The following CCDC178 variants were observed in gnomAD, a reference collection of about 807,000 sequenced individuals.
CCDC178 encodes the protein coiled-coil domain-containing protein 178.
Under a neutral mutation model 117.4 loss-of-function variants are expected in CCDC178, and 126 were observed. The observed-to-expected ratio is 1.07, with a 90% confidence interval of 0.93 to 1.24. The LOEUF is 1.24. Ranked by LOEUF, CCDC178 falls within the 50% of genes most tolerant of loss-of-function variation. The probability of loss-of-function intolerance (pLI) is 0.00; values close to 1 mark genes in which losing one functional copy is unlikely to be tolerated. For synonymous variants in CCDC178, 283 were observed against 313.4 expected, an observed-to-expected ratio of 0.90 and a Z score of 1.02; for missense variants, 1,030 against 986.9, an observed-to-expected ratio of 1.04 and a Z score of -0.59.
At chr18:33,034,205 A>G (rs2056400033) in intron 21 of CCDC178, among the ~76,000 whole-genome samples, 1 of 151,804 alleles carries the variant, frequency 6.6e-6, no homozygotes, top group Non-Finnish European at 1.5e-5. Context: ...TTCCCATAGC[A>G]TCCTTACAGA....
At chr18:33,202,008 G>T (rs749123475) in intron 20 of CCDC178, among the ~76,000 whole-genome samples, 1 of 152,102 alleles carries the variant, frequency 6.6e-6, no homozygotes, top group Non-Finnish European at 1.5e-5. Flanking sequence ...TATCAACGCA[G>T]TGGCTGACTC....
intron 5 of CCDC178, among the ~76,000 whole-genome samples, chr18:33,373,866 T>C (rs1304745419): frequency 1.3e-5 from 2 of 152,206 alleles, no homozygotes; most frequent in Non-Finnish European, 2.9e-5. Flanking sequence ...AAGCAGTATA[T>C]CAACTACCAT....
At chr18:33,284,040 TG>T (rs1342829533) in intron 12 of CCDC178, among the ~76,000 whole-genome samples, 1 of 152,182 alleles carries the variant, frequency 6.6e-6, no homozygotes, top group African/African-American at 2.4e-5. Flanking sequence ...GCAAAGAAAA[TG>T]TGGTACATAT....
chr18:33,356,278 G>T (rs2144713652), intron 7 of CCDC178, 46 bp downstream of exon 7: 2 of 1,434,914 alleles, frequency 1.4e-6, no homozygotes, highest in Admixed American at 2.6e-5. Flanking sequence ...ATTGAAATTT[G>T]GACATTAAAA....
At chr18:33,309,997 TCTCA>T (rs2062316132) in intron 11 of CCDC178, among the ~76,000 whole-genome samples, 1 of 150,302 alleles carries the variant, frequency 6.7e-6, no homozygotes, top group Non-Finnish European at 1.5e-5. Context: ...TGAGATGGAG[TCTCA>T]CTCTGTCACC....
chr18:33,236,924 T>C (rs901049464), intron 15 of CCDC178, among the ~76,000 whole-genome samples: 2 of 152,134 alleles, frequency 1.3e-5, no homozygotes, highest in African/African-American at 4.8e-5. Flanking sequence ...TGTAAATACC[T>C]ACAGTATTTA....
At chr18:33,248,658 G>A (rs2059579214) in intron 14 of CCDC178, among the ~76,000 whole-genome samples, 1 of 151,920 alleles carries the variant, frequency 6.6e-6, no homozygotes, top group African/African-American at 2.4e-5. Context: ...TCTTAATTCA[G>A]TCCATCATTG....
chr18:33,040,748 C>A (rs760161486), intron 21 of CCDC178, among the ~76,000 whole-genome samples: 1 of 151,884 alleles, frequency 6.6e-6, no homozygotes, highest in Non-Finnish European at 1.5e-5. Flanking sequence ...AGTTATCCAG[C>A]CAAATTGTTC....
intron 20 of CCDC178, among the ~76,000 whole-genome samples, chr18:33,185,024 C>CT (rs921790832): frequency 1.8e-4 from 27 of 151,120 alleles, no homozygotes; most frequent in East Asian, 1.9e-4. Context: ...CTGTACACAG[C>CT]TTTTTTTTTC....
At chr18:32,945,134 T>C (rs942838771) in intron 22 of CCDC178, among the ~76,000 whole-genome samples, 2 of 152,210 alleles carry the variant, frequency 1.3e-5, no homozygotes, top group African/African-American at 4.8e-5. Flanking sequence ...GTCAATGCTG[T>C]ATATGCTTGG....
intron 19 of CCDC178, among the ~76,000 whole-genome samples, chr18:33,213,066 A>C (rs1467170551): frequency 6.6e-6 from 1 of 152,022 alleles, no homozygotes; most frequent in African/African-American, 2.4e-5. Context: ...GCTTTTAAAT[A>C]ATATCCCATT....
At position 33,344,229 on chromosome 18, in the gene CCDC178, G is replaced by A. The variant is rs1314988704; in HGVS notation, c.658+1982C>T. The stretch of plus-strand genomic sequence containing the variant: ...TGAGGCAGGAGAATGGCGTGAACCC[G>A]GGAAGCGGAGCTTGCAGTGAGCCGA... On this transcript the variant is annotated intron_variant, in intron 9 of 22. Transcript: ENST00000383096. 4.1e-5 allele frequency among the ~76,000 whole-genome samples: 6 copies of A among 148,086 alleles called. No individual in the cohort carries two copies. In the South Asian group the frequency reaches 6.4e-4, roughly 16 times the overall value.
chr18:32,996,205 A>G (rs2055504447), intron 21 of CCDC178, among the ~76,000 whole-genome samples: 1 of 151,996 alleles, frequency 6.6e-6, no homozygotes, highest in Admixed American at 6.6e-5. Context: ...AGCATTAAAA[A>G]CAACAGCAAG....
chr18:33,328,083 A>ATTTTTTTTTTTTTTTTTTTT, intron 10 of CCDC178: 1 of 96,974 alleles, frequency 1.0e-5, no homozygotes, highest in East Asian at 9.2e-4. Flanking sequence ...TTATCCCTAG[A>ATTTTTTTTTTTTTTTTTTTT]TTTTTTTTTT....
intron 3 of CCDC178, among the ~76,000 whole-genome samples, chr18:33,404,314 A>G (rs2063752221): frequency 1.3e-5 from 2 of 152,066 alleles, no homozygotes; most frequent in Admixed American, 1.3e-4. Context: ...AGTATATGAG[A>G]GCTCTGTATT....
At chr18:33,027,792 C>T (rs902867246) in intron 21 of CCDC178, among the ~76,000 whole-genome samples, 1 of 151,466 alleles carries the variant, frequency 6.6e-6, no homozygotes, top group Non-Finnish European at 1.5e-5. Context: ...AGATTTTGTT[C>T]TCTGATCTCA....
At chr18:33,343,420 G>A (rs1883784672) in intron 9 of CCDC178, among the ~76,000 whole-genome samples, 1 of 152,174 alleles carries the variant, frequency 6.6e-6, no homozygotes, top group East Asian at 1.9e-4. Context: ...GCATTTGCTA[G>A]TTAATTGGCT....
chr18:33,327,138 A>C (rs2062595088), intron 10 of CCDC178, among the ~76,000 whole-genome samples: 1 of 152,202 alleles, frequency 6.6e-6, no homozygotes, highest in African/African-American at 2.4e-5. Flanking sequence ...AGCCCTAGGT[A>C]GTCATTAATC....
chr18:33,065,266 A>G (rs547741462), intron 21 of CCDC178, among the ~76,000 whole-genome samples: 1 of 152,180 alleles, frequency 6.6e-6, no homozygotes. Flanking sequence ...CCGCAAATAT[A>G]TGATAAAGGC....
Sources: allele counts gnomAD v4.1 joint callset (sites outside exome capture counted in the v4.1 genomes callset), GRCh38; gene constraint gnomAD v4.1.1; transcripts MANE v1.5; gene names NCBI Gene and HGNC (gene_info 2026-07-23, HGNC 2026-07-21).